C4BPA: variants seen among roughly 807,000 people sequenced by gnomAD.
C4BPA encodes C4b-binding protein alpha chain.
C4BPA carries 31 observed loss-of-function variants against 63.7 expected under a neutral mutation model. The observed-to-expected ratio is 0.49, with a 90% CI of 0.37 to 0.66. The LOEUF (loss-of-function observed/expected upper bound fraction) is 0.66. C4BPA is among the 30% of genes least tolerant of loss of function. The pLI is 0.00. For synonymous variants in C4BPA, 259 were observed against 254.7 expected (o/e 1.02, Z -0.16); for missense variants, 572 against 723.3 (o/e 0.79, Z 2.40).
rs1684881385 is a variant in C4BPA at position 207,119,584 on chromosome 1, C to T, written c.428+4069C>T. On this transcript the variant is annotated intron_variant, in intron 4 of 11. Transcript: ENST00000367070. ...TTACATAATGCAACTATCCCTCATA[C>T]ACCCAAAAACATGGAAATTCTTTTC... Among the ~76,000 whole-genome samples, 2 of 92,572 alleles carry T rather than the reference C, an allele frequency of 2.2e-5. 1 individual carries two copies. The highest frequency in any genetic ancestry group is 6.0e-5 in the African/African-American group (2 of 33,092). 60.7% of individuals were successfully genotyped at this position (92,572 alleles called of 152,430 possible).
chr1:207,108,962 C>A (rs1478077789), intron 1 of C4BPA, among the ~76,000 whole-genome samples: 2 of 152,058 alleles, frequency 1.3e-5, no homozygotes, highest in Admixed American at 6.5e-5. Context: ...ACCTCGTGAT[C>A]TGCCCGCCTC....
intron 10 of C4BPA, 66 bp from the exon 11 acceptor site, chr1:207,143,752 C>T (rs1299411079): frequency 9.1e-7 from 1 of 1,093,814 alleles, no homozygotes; most frequent in Non-Finnish European, 1.4e-6. Flanking sequence ...TTCTTATTAT[C>T]CGAGACTGTT....
At chr1:207,107,894 C>A (rs759305265) in intron 1 of C4BPA, among the ~76,000 whole-genome samples, 3 of 151,996 alleles carry the variant, frequency 2.0e-5, no homozygotes, top group Non-Finnish European at 2.9e-5. Context: ...TAGGACTTGA[C>A]GACTCTGAAT....
chr1:207,129,203 A>C (rs61821016), intron 7 of C4BPA, among the ~76,000 whole-genome samples: 6,895 of 152,176 alleles, frequency 0.045, 236 homozygotes, highest in Middle Eastern at 0.065. Context: ...TTGGAAAAAG[A>C]ATCAGTGAAT....
intron 8 of C4BPA, among the ~76,000 whole-genome samples, chr1:207,132,348 A>G (rs1685178508): frequency 6.6e-6 from 1 of 152,232 alleles, no homozygotes; most frequent in African/African-American, 2.4e-5. Flanking sequence ...CGACAAGTGG[A>G]TACTATATTA....
chr1:207,116,077 A>G (rs1179407674), intron 4 of C4BPA, among the ~76,000 whole-genome samples: 1 of 152,214 alleles, frequency 6.6e-6, no homozygotes, highest in Non-Finnish European at 1.5e-5. Flanking sequence ...AAGAGTATGT[A>G]TATTTGAAAA....
chr1:207,112,910 C>G, intron 1 of C4BPA, 91 bp from the exon 2 acceptor site: 2 of 1,233,866 alleles, frequency 1.6e-6, no homozygotes. Context: ...CTGTCATTTC[C>G]TTGAAGACAT....
chr1:207,136,493 C>A (rs1183394496), intron 9 of C4BPA, among the ~76,000 whole-genome samples: 1 of 152,188 alleles, frequency 6.6e-6, no homozygotes, highest in Non-Finnish European at 1.5e-5. Context: ...AGGACTAGGA[C>A]CTTGACCAGA....
chr1:207,124,274 C>T lies in C4BPA; in HGVS notation c.614C>T (p.Pro205Leu), dbSNP rs1330596095. ...TTTTCTGTCACCTACAGCTGTGACC[C>T]CCGCTTCTCACTCTTGGGCCATGCC... Reference protein sequence around the residue: ...YGFSVTYSCDPRFSLLGHASI... With the variant: ...YGFSVTYSCDLRFSLLGHASI... Residue 205 changes from proline to leucine, a missense_variant, in exon 6 of 12, where the codon CCC becomes CTC. Around this residue, in one of 2 missense-constraint regions of C4BPA, gnomAD observed 465 missense variants for 629.4 expected, o/e 0.74. Coordinates refer to ENST00000367070, the MANE Select transcript of C4BPA (RefSeq NM_000715.4). The T allele has an allele frequency of 1.9e-6, 3 of 1,613,710 alleles. No homozygotes were observed. The highest frequency in any genetic ancestry group is 1.1e-5 in the South Asian group (1 of 91,074).
At chr1:207,134,622 G>C (rs1295591444) in intron 9 of C4BPA, 30 bp downstream of exon 9, 5 of 1,515,248 alleles carry the variant, frequency 3.3e-6, no homozygotes, top group Admixed American at 1.9e-5. Flanking sequence ...TCTTATTCTG[G>C]GAGTTTCTTC....
intron 8 of C4BPA, 46 bp from the exon 9 acceptor site, chr1:207,134,358 C>T: frequency 7.1e-7 from 1 of 1,413,294 alleles, no homozygotes; most frequent in South Asian, 1.2e-5. Context: ...TAGAAGCTTC[C>T]TCATGGTGAT....
At chr1:207,129,956 C>A (rs1049771112) in intron 7 of C4BPA, among the ~76,000 whole-genome samples, 1 of 151,978 alleles carries the variant, frequency 6.6e-6, no homozygotes, top group Non-Finnish European at 1.5e-5. Flanking sequence ...AGCTTTGTTC[C>A]CTCCTACCTT....
intron 7 of C4BPA, among the ~76,000 whole-genome samples, chr1:207,130,251 A>G (rs1685132205): frequency 6.6e-6 from 1 of 152,216 alleles, no homozygotes; most frequent in Non-Finnish European, 1.5e-5. Flanking sequence ...ACAATCAGAT[A>G]CCACTTCACA....
At position 207,114,183 on chromosome 1, in the gene C4BPA, A is replaced by G. The variant is rs552530711; in HGVS notation, c.226A>G (p.Thr76Ala). ...LTETRFKTGT[T>A]LKYTCLPGYV... ...TGAGACACGCTTCAAAACTGGAACTACTCTGAAATACACCTGCCTCCCTGG... is the reference window on the plus strand; with the variant it reads ...TGAGACACGCTTCAAAACTGGAACTGCTCTGAAATACACCTGCCTCCCTGG... The change falls in exon 3 of 12, where the codon ACT becomes GCT. Residue 76 changes from threonine to alanine, a missense_variant. This residue lies in a region of C4BPA where 107 missense variants were observed against 93.9 expected (regional missense o/e 1.14). Coordinates refer to ENST00000367070, the MANE Select transcript of C4BPA (RefSeq NM_000715.4). 2.9e-5 allele frequency: 46 copies of G among 1,613,670 alleles called. No individual in the cohort carries two copies. The highest frequency in any genetic ancestry group is 5.3e-5 in the African/African-American group (4 of 74,972).
intron 1 of C4BPA, among the ~76,000 whole-genome samples, chr1:207,110,874 A>AG (rs1684653589): frequency 6.6e-6 from 1 of 152,190 alleles, no homozygotes; most frequent in African/African-American, 2.4e-5. Flanking sequence ...AACAATTCCT[A>AG]GGGGAAATTT....
intron 10 of C4BPA, among the ~76,000 whole-genome samples, chr1:207,142,004 T>G (rs144951196): frequency 1.7e-3 from 260 of 152,290 alleles, no homozygotes; most frequent in African/African-American, 5.9e-3. Flanking sequence ...TGTGCCCTGG[T>G]GGTTTGCTGC....
rs57449727 is a variant in C4BPA at position 207,116,516 on chromosome 1, A to ATGTGTG, written c.428+1039_428+1044dup. 3.1e-3 allele frequency among the ~76,000 whole-genome samples: 249 copies of ATGTGTG among 79,994 alleles called. 3 individuals are homozygous for ATGTGTG. The highest frequency in any genetic ancestry group is 5.7e-3 in the Middle Eastern group (1 of 174). The allele number at this position is 79,994 out of a possible 152,430, so 52.5% of individuals were successfully genotyped here. ...CCACAGTGTGTGTGTGTGTGTGTAT[A>ATGTGTG]TGTGTGTGTGTGTGTGTGTGTGTGT... On this transcript the variant is annotated intron_variant, in intron 4 of 11. Coordinates refer to ENST00000367070, the MANE Select transcript of C4BPA (RefSeq NM_000715.4).
intron 7 of C4BPA, among the ~76,000 whole-genome samples, chr1:207,129,805 T>C (rs1352992054): frequency 6.6e-6 from 1 of 152,196 alleles, no homozygotes; most frequent in Non-Finnish European, 1.5e-5. Context: ...ATGTCTTTTA[T>C]AGTAGCTGAG....
chr1:207,118,224 T>TATCTATC (rs1558089497), intron 4 of C4BPA, among the ~76,000 whole-genome samples: 7 of 151,126 alleles, frequency 4.6e-5, no homozygotes, highest in African/African-American at 1.7e-4. Flanking sequence ...TCTATCTATC[T>TATCTATC]ATCTATCTAT....
Sources: gnomAD v4.1 joint callset for allele counts (sites outside exome capture counted in the v4.1 genomes callset) on GRCh38, gnomAD v4.1.1 for gene constraint, gnomAD v4.1.1 regional missense constraint, MANE v1.5 for transcripts, NCBI Gene and HGNC (gene_info 2026-07-23, HGNC 2026-07-21) for gene names.